The following FRMD3 variants were observed in gnomAD, a reference collection of about 807,000 sequenced individuals.
The protein encoded by FRMD3 is FERM domain-containing protein 3.
Under a neutral mutation model 70.2 loss-of-function variants are expected in FRMD3, and 33 were observed. The ratio of observed to expected loss-of-function variants is 0.47; its 90% CI spans 0.36 to 0.63. The LOEUF (loss-of-function observed/expected upper bound fraction) is 0.63, where lower values mean the gene tolerates loss of function less well. Ranked by LOEUF, FRMD3 falls within the 20% of genes least tolerant of loss-of-function variation. The pLI is 0.00. For synonymous variants in FRMD3, 279 were observed against 255.9 expected (o/e 1.09, Z -0.86); for missense variants, 632 against 711.4 (o/e 0.89, Z 1.27).
At chr9:83,534,511 A>T (rs1483926225) in intron 1 of FRMD3, among the ~76,000 whole-genome samples, 1 of 152,220 alleles carries the variant, frequency 6.6e-6, no homozygotes, top group African/African-American at 2.4e-5. Flanking sequence ...GGTAACAAGG[A>T]GAATACTCTG....
chr9:83,246,271 C>T lies in FRMD3; in HGVS notation c.*1647G>A, dbSNP rs1178806551. 1 of 984,754 alleles carries T rather than the reference C, an allele frequency of 1.0e-6. No individual in the cohort carries two copies. Among genetic ancestry groups the T allele is most frequent in the Non-Finnish European group, 1.2e-6 (1 of 829,484 alleles). The allele number at this position is 984,754 out of a possible 1,614,324, so 61.0% of individuals were successfully genotyped here. On this transcript the variant is annotated 3_prime_UTR_variant, in exon 14 of 14. Transcript: ENST00000304195. ...CAATCCACAGAGAAGCTCTATGCTC[C>T]ATGGCATAAGTTCTAGACTCTTATC...
intron 2 of FRMD3, among the ~76,000 whole-genome samples, chr9:83,376,361 A>G (rs1351251116): frequency 6.6e-6 from 1 of 152,190 alleles, no homozygotes; most frequent in Non-Finnish European, 1.5e-5. Context: ...TGATCTGTTC[A>G]TATTCTGGAT....
intron 3 of FRMD3, among the ~76,000 whole-genome samples, chr9:83,362,938 A>C (rs187204873): frequency 1.8e-3 from 119 of 66,750 alleles, no homozygotes; most frequent in Admixed American, 2.1e-3. Context: ...TTTCCTCCCT[A>C]CTTCCTTGCT....
the FRMD3 span, among the ~76,000 whole-genome samples, chr9:83,581,324 T>C: frequency 3.9e-5 from 6 of 152,068 alleles, no homozygotes; most frequent in Non-Finnish European, 7.4e-5. Context: ...GAATAGACAG[T>C]CCTCCAAAGA....
chr9:83,518,213 A>G (rs762429791), intron 1 of FRMD3, among the ~76,000 whole-genome samples: 6 of 152,230 alleles, frequency 3.9e-5, no homozygotes, highest in African/African-American at 7.2e-5. Flanking sequence ...CTGTTTGCAG[A>G]TGACATGATT....
At chr9:83,352,964 C>G (rs1227250157) in intron 3 of FRMD3, among the ~76,000 whole-genome samples, 1 of 152,200 alleles carries the variant, frequency 6.6e-6, no homozygotes, top group Non-Finnish European at 1.5e-5. Context: ...GAAATCAATA[C>G]AAGGTGCTCA....
chr9:83,562,986 GA>G, the FRMD3 span, among the ~76,000 whole-genome samples: 10,378 of 122,936 alleles, frequency 0.084, 428 homozygotes, highest in East Asian at 0.11. Flanking sequence ...GTGATTAAAT[GA>G]AAAAAAAAAA....
At chr9:83,311,289 A>G (rs1835343987) in intron 8 of FRMD3, among the ~76,000 whole-genome samples, 1 of 49,898 alleles carries the variant, frequency 2.0e-5, no homozygotes, top group Admixed American at 2.2e-4. Flanking sequence ...ATGGCAGAGA[A>G]AAAAAAAAAA....
chr9:83,459,314 G>A (rs568541887), intron 1 of FRMD3, among the ~76,000 whole-genome samples: 3 of 152,190 alleles, frequency 2.0e-5, no homozygotes, highest in African/African-American at 4.8e-5. Context: ...TTCCTAGCCC[G>A]GCCTCCTGAA....
intron 10 of FRMD3, among the ~76,000 whole-genome samples, chr9:83,305,677 C>T (rs1458886413): frequency 1.3e-5 from 2 of 152,186 alleles, no homozygotes; most frequent in Non-Finnish European, 2.9e-5. Flanking sequence ...GTGATACTTC[C>T]CCTCCTTCCT....
At chr9:83,265,245 A>C (rs1833191925) in intron 13 of FRMD3, among the ~76,000 whole-genome samples, 1 of 151,888 alleles carries the variant, frequency 6.6e-6, no homozygotes, top group Non-Finnish European at 1.5e-5. Context: ...CTAAAAATAC[A>C]AAAAATTAGC....
chr9:83,555,172 T>C, the FRMD3 span, among the ~76,000 whole-genome samples: 1 of 151,790 alleles, frequency 6.6e-6, no homozygotes, highest in Admixed American at 6.6e-5. Context: ...GGGGTCCACT[T>C]TGGCCCCCAG....
intron 1 of FRMD3, among the ~76,000 whole-genome samples, chr9:83,404,875 T>C (rs1826055362): frequency 6.6e-6 from 1 of 152,226 alleles, no homozygotes; most frequent in Non-Finnish European, 1.5e-5. Context: ...TGCTTATCAG[T>C]GTAAAGGTAA....
intron 1 of FRMD3, among the ~76,000 whole-genome samples, chr9:83,396,717 C>T (rs1424378405): frequency 1.3e-5 from 2 of 152,162 alleles, no homozygotes; most frequent in Admixed American, 1.3e-4. Flanking sequence ...AGGATGAAGC[C>T]GAAATATTCA....
intron 2 of FRMD3, among the ~76,000 whole-genome samples, chr9:83,373,498 G>C (rs973649527): frequency 6.6e-6 from 1 of 152,148 alleles, no homozygotes; most frequent in East Asian, 1.9e-4. Flanking sequence ...ATTTTCAGAG[G>C]CCTGAGGTCA....
intron 13 of FRMD3, among the ~76,000 whole-genome samples, chr9:83,274,087 T>G (rs1294684954): frequency 6.6e-6 from 1 of 152,188 alleles, no homozygotes; most frequent in Non-Finnish European, 1.5e-5. Flanking sequence ...CCAAAAGCAC[T>G]AAGGATTACA....
intron 1 of FRMD3, among the ~76,000 whole-genome samples, chr9:83,452,663 T>C (rs1025207066): frequency 4.6e-5 from 7 of 151,976 alleles, no homozygotes; most frequent in African/African-American, 1.7e-4. Context: ...TTTGTATTTT[T>C]AGTAGAGACG....
At chr9:83,349,629 T>C in intron 4 of FRMD3, 50 bp downstream of exon 4, 2 of 1,340,148 alleles carry the variant, frequency 1.5e-6, no homozygotes, top group Non-Finnish European at 2.1e-6. Context: ...ACCAAAGAGA[T>C]TCTGGCTGGT....
At chr9:83,267,754 G>T (rs1563983775) in intron 13 of FRMD3, among the ~76,000 whole-genome samples, 1 of 152,044 alleles carries the variant, frequency 6.6e-6, no homozygotes, top group African/African-American at 2.4e-5. Context: ...TATTAATAAA[G>T]AGTTTGCATT....
Sources: gnomAD v4.1 joint callset for allele counts (sites outside exome capture counted in the v4.1 genomes callset) on GRCh38, gnomAD v4.1.1 for gene constraint, MANE v1.5 for transcripts, NCBI Gene and HGNC (gene_info 2026-07-23, HGNC 2026-07-21) for gene names.